LRMDA: variants seen among roughly 807,000 people sequenced by gnomAD.
LRMDA encodes the protein leucine-rich melanocyte differentiation-associated protein.
LRMDA carries 18 observed loss-of-function variants against 29.8 expected under a neutral mutation model. The observed-to-expected ratio is 0.60, with a 90% confidence interval of 0.42 to 0.90. The LOEUF is 0.90. Among genes scored for constraint, LRMDA ranks in the 40% least tolerant of loss-of-function variants. LRMDA has a pLI of 0.00. For synonymous variants in LRMDA, 125 were observed against 109.4 expected, an observed-to-expected ratio of 1.14 and a Z score of -0.89; for missense variants, 273 against 273.9, an observed-to-expected ratio of 1.00 and a Z score of 0.02.
At chr10:75,759,709 A>G (rs1843072632) in intron 2 of LRMDA, among the ~76,000 whole-genome samples, 1 of 152,222 alleles carries the variant, frequency 6.6e-6, no homozygotes, top group Admixed American at 6.5e-5. Flanking sequence ...GATAAAGACA[A>G]GAAGTTTATG....
intron 2 of LRMDA, among the ~76,000 whole-genome samples, chr10:75,816,101 G>C (rs1844054816): frequency 6.6e-6 from 1 of 152,224 alleles, no homozygotes; most frequent in Non-Finnish European, 1.5e-5. Context: ...GTACCGGTCA[G>C]TGTCATCTAT....
intron 2 of LRMDA, among the ~76,000 whole-genome samples, chr10:75,840,101 T>A (rs1844513097): frequency 6.6e-6 from 1 of 152,198 alleles, no homozygotes; most frequent in Admixed American, 6.5e-5. Flanking sequence ...TCATTGACCC[T>A]ACCCTGTATC....
chr10:76,274,680 A>C lies in LRMDA; in HGVS notation c.517-49721A>C, dbSNP rs186996633. Among the ~76,000 whole-genome samples, 3 of 152,306 alleles carry C rather than the reference A, an allele frequency of 2.0e-5. No homozygotes were observed. In the East Asian group the frequency reaches 5.8e-4, roughly 29 times the overall value. ...ATCAGGGCAAAAAAAGAATGATGGA[A>C]CATCTCTACTTTTTATAAAAATTAG... On this transcript the variant is annotated intron_variant, in intron 5 of 6. Transcript: ENST00000611255.
chr10:76,047,063 C>T (rs773538486), intron 3 of LRMDA, 101 bp from the exon 4 acceptor site: 1 of 1,295,414 alleles, frequency 7.7e-7, no homozygotes, highest in Non-Finnish European at 1.1e-6. Context: ...ACCCTGAGGT[C>T]TCACAGGAGC....
intron 2 of LRMDA, among the ~76,000 whole-genome samples, chr10:75,772,561 G>C (rs1034440913): frequency 2.6e-5 from 4 of 152,172 alleles, no homozygotes; most frequent in African/African-American, 9.7e-5. Flanking sequence ...AGAGAAGTTT[G>C]AGTGGGAACC....
chr10:75,769,844 A>G (rs1168924600), intron 2 of LRMDA, among the ~76,000 whole-genome samples: 1 of 152,142 alleles, frequency 6.6e-6, no homozygotes, highest in Non-Finnish European at 1.5e-5. Context: ...TCAGCTTGGC[A>G]TGGTGGCACA....
At chr10:75,703,606 T>C (rs1423984692) in intron 2 of LRMDA, among the ~76,000 whole-genome samples, 3 of 152,234 alleles carry the variant, frequency 2.0e-5, no homozygotes, top group Non-Finnish European at 4.4e-5. Context: ...CAGTGATTAA[T>C]GTATATACAG....
intron 2 of LRMDA, among the ~76,000 whole-genome samples, chr10:75,547,370 A>G (rs1290002500): frequency 1.3e-5 from 2 of 152,172 alleles, no homozygotes; most frequent in Admixed American, 6.5e-5. Context: ...CTCATCTCTA[A>G]TTAAAGACTC....
intron 6 of LRMDA, among the ~76,000 whole-genome samples, chr10:76,353,369 A>G (rs1841201946): frequency 6.6e-6 from 1 of 150,906 alleles, no homozygotes; most frequent in Non-Finnish European, 1.5e-5. Context: ...TGTGAGATAG[A>G]TTGAGGCCAA....
At position 75,873,389 on chromosome 10, in the gene LRMDA, G is replaced by A. The variant is rs1157871814; in HGVS notation, c.132-162619G>A. On this transcript the variant is annotated intron_variant, in intron 2 of 6. Transcript: ENST00000611255. ...CTTTTGTTTCTACATTATTGCCTTC[G>A]AATCATTCCTTTTAGTGATTGAGAT... Among the ~76,000 whole-genome samples the A allele has an allele frequency of 2.0e-5, 3 of 152,040 alleles. No individual in the cohort carries two copies. The East Asian group carries it at 5.8e-4, about 29-fold the overall frequency.
chr10:76,442,860 G>A (rs370665948), intron 6 of LRMDA, among the ~76,000 whole-genome samples: 2 of 152,236 alleles, frequency 1.3e-5, no homozygotes, highest in East Asian at 3.9e-4. Flanking sequence ...TTCTAATATA[G>A]AACATTTTAA....
chr10:76,059,926 A>C (rs543851496), intron 5 of LRMDA, among the ~76,000 whole-genome samples: 3 of 152,344 alleles, frequency 2.0e-5, no homozygotes, highest in South Asian at 4.1e-4. Flanking sequence ...CTCTTTCAGC[A>C]TGTGGGAAAT....
rs755702634 is a variant in LRMDA at position 76,249,163 on chromosome 10, T to TA, written c.517-75231dup. Among the ~76,000 whole-genome samples, 7 of 152,286 alleles carry TA rather than the reference T, an allele frequency of 4.6e-5. No homozygotes were observed. The East Asian group carries it at 7.7e-4, about 17-fold the overall frequency. On this transcript the variant is annotated intron_variant, in intron 5 of 6. Transcript: ENST00000611255. Reference sequence around the variant, plus strand: ...GATTTGCTCAAGCTGCTCTATGACTTAAAAAAACTCAGATATTACTCCCCA... The same window carrying TA: ...GATTTGCTCAAGCTGCTCTATGACTTAAAAAAAACTCAGATATTACTCCCCA...
intron 2 of LRMDA, among the ~76,000 whole-genome samples, chr10:75,916,784 T>G (rs1338549983): frequency 6.6e-6 from 1 of 152,200 alleles, no homozygotes; most frequent in African/African-American, 2.4e-5. Flanking sequence ...AGCAAGACCC[T>G]GTCAGCTTTT....
chr10:75,531,253 G>T (rs1845474102), intron 2 of LRMDA, among the ~76,000 whole-genome samples: 1 of 152,154 alleles, frequency 6.6e-6, no homozygotes, highest in African/African-American at 2.4e-5. Context: ...TGGCAGAGGG[G>T]GTGGTTAACA....
At chr10:76,078,508 T>A (rs917813194) in intron 5 of LRMDA, among the ~76,000 whole-genome samples, 1 of 152,034 alleles carries the variant, frequency 6.6e-6, no homozygotes, top group Admixed American at 6.5e-5. Flanking sequence ...CATAGAGGCA[T>A]CTGCCTCTCT....
intron 2 of LRMDA, among the ~76,000 whole-genome samples, chr10:75,580,827 C>T (rs1404296096): frequency 6.6e-6 from 1 of 152,148 alleles, no homozygotes; most frequent in Non-Finnish European, 1.5e-5. Context: ...GAAAGGATTC[C>T]CTATTTAATA....
intron 2 of LRMDA, among the ~76,000 whole-genome samples, chr10:75,574,693 A>G (rs1310665536): frequency 2.6e-5 from 4 of 152,036 alleles, no homozygotes; most frequent in Non-Finnish European, 5.9e-5. Context: ...GTACTCTGTA[A>G]TCTTATCCAC....
At chr10:75,727,573 A>T (rs1191777075) in intron 2 of LRMDA, among the ~76,000 whole-genome samples, 1 of 152,216 alleles carries the variant, frequency 6.6e-6, no homozygotes, top group African/African-American at 2.4e-5. Context: ...TACACTGTGT[A>T]TATTTTACAG....
Sources: allele counts gnomAD v4.1 joint callset (sites outside exome capture counted in the v4.1 genomes callset), GRCh38; gene constraint gnomAD v4.1.1; transcripts MANE v1.5; gene names NCBI Gene and HGNC (gene_info 2026-07-23, HGNC 2026-07-21).